Variants in FAM120C observed in about 807,000 individuals in gnomAD.
FAM120C encodes the protein family with sequence similarity 120 member C.
FAM120C carries 14 observed loss-of-function variants against 71.2 expected under a neutral mutation model. The ratio of observed to expected loss-of-function variants is 0.20; its 90% CI spans 0.13 to 0.31. FAM120C has a LOEUF of 0.31. Ranked by LOEUF, FAM120C falls within the 10% of genes least tolerant of loss-of-function variation. The pLI, the probability that FAM120C is intolerant of heterozygous loss-of-function variation, is 1.00. For synonymous variants in FAM120C, 354 were observed against 353.2 expected (o/e 1.00, Z -0.03); for missense variants, 500 against 879.0 (o/e 0.57, Z 5.45).
intron 10 of FAM120C, among the ~76,000 whole-genome samples, chrX:54,096,725 A>G (rs2066853768): frequency 8.9e-6 from 1 of 112,169 alleles, no homozygotes; most frequent in Non-Finnish European, 1.9e-5. Flanking sequence ...TAAAAATTAT[A>G]AATAATACTA....
chrX:54,163,255 A>C (rs1351194277), intron 1 of FAM120C, among the ~76,000 whole-genome samples: 16 of 112,514 alleles, frequency 1.4e-4, no homozygotes, highest in African/African-American at 4.8e-4. Context: ...TAATAGCCCA[A>C]AAGTGGAAAT....
chrX:54,127,973 C>T (rs1048567010), intron 9 of FAM120C, among the ~76,000 whole-genome samples: 1 of 110,649 alleles, frequency 9.0e-6, no homozygotes, highest in African/African-American at 3.3e-5. Flanking sequence ...AATGGTAGTT[C>T]GTTTTTTAGT....
intron 10 of FAM120C, among the ~76,000 whole-genome samples, chrX:54,094,665 G>C (rs1386550617): frequency 9.2e-6 from 1 of 108,386 alleles, no homozygotes; most frequent in Admixed American, 9.9e-5. Context: ...TTGGGAGGCC[G>C]AGGTGGGCAG....
chrX:54,139,532 G>A (rs899860129), intron 4 of FAM120C, among the ~76,000 whole-genome samples: 1 of 109,376 alleles, frequency 9.1e-6, no homozygotes. Context: ...TAGTACAGAC[G>A]GGGTTTCACT....
intron 10 of FAM120C, 25 bp downstream of exon 10, chrX:54,116,520 G>A: frequency 8.4e-7 from 1 of 1,194,762 alleles, no homozygotes; most frequent in Non-Finnish European, 1.1e-6. Flanking sequence ...GAAAGAACAG[G>A]CCACCTGCCT....
chrX:54,165,305 A>T (rs1434059262), intron 1 of FAM120C, among the ~76,000 whole-genome samples: 3 of 111,739 alleles, frequency 2.7e-5, no homozygotes, highest in African/African-American at 9.8e-5. Context: ...GCTTCTAAGG[A>T]CCTTAATGTA....
At chrX:54,142,799 G>C (rs1196556133) in intron 4 of FAM120C, among the ~76,000 whole-genome samples, 1 of 112,156 alleles carries the variant, frequency 8.9e-6, no homozygotes, top group East Asian at 2.8e-4. Context: ...CCTCAAGTGG[G>C]TCCCTGAACC....
In FAM120C at chrX:54,072,200, C is replaced by CACAG. The variant is rs1368411338; in HGVS notation, c.*832_*833insCTGT. The CACAG allele has an allele frequency of 2.8e-5, 3 of 105,313 alleles. No homozygotes were observed. Among genetic ancestry groups the CACAG allele is most frequent in the African/African-American group, 7.0e-5 (2 of 28,636 alleles). 8.7% of individuals were successfully genotyped at this position (105,313 alleles called of 1,213,427 possible). ...ACACACACACACACACACACACACA[C>CACAG]AGTCTCTTGAGTCCCTTTCGTACTC... On this transcript the variant is annotated 3_prime_UTR_variant, in exon 16 of 16. Transcript: ENST00000375180.
intron 1 of FAM120C, among the ~76,000 whole-genome samples, chrX:54,175,292 G>A (rs782170679): frequency 9.0e-6 from 1 of 111,275 alleles, no homozygotes; most frequent in African/African-American, 3.3e-5. Flanking sequence ...AATTAATTCC[G>A]TTGTTCATAG....
intron 10 of FAM120C, among the ~76,000 whole-genome samples, chrX:54,098,928 G>A (rs183837691): frequency 2.4e-4 from 26 of 110,319 alleles, no homozygotes; most frequent in African/African-American, 6.2e-4. Context: ...TGACATTTGC[G>A]TATGTTCTTT....
At chrX:54,141,000 GTGAC>G (rs1454474577) in intron 4 of FAM120C, among the ~76,000 whole-genome samples, 1 of 110,009 alleles carries the variant, frequency 9.1e-6, no homozygotes, top group Non-Finnish European at 1.9e-5. Context: ...CTCAAATTTA[GTGAC>G]TGACAAACAG....
intron 12 of FAM120C, 50 bp from the exon 13 acceptor site, chrX:54,085,966 C>T (rs782451806): frequency 1.8e-6 from 2 of 1,118,364 alleles, no homozygotes; most frequent in Non-Finnish European, 1.2e-6. Flanking sequence ...TCGAACTTGT[C>T]CCATGTTTTA....
intron 10 of FAM120C, among the ~76,000 whole-genome samples, chrX:54,113,356 A>G (rs782170700): frequency 2.7e-5 from 3 of 109,169 alleles, no homozygotes; most frequent in African/African-American, 1.0e-4. Flanking sequence ...GCTACTCAGG[A>G]GGCTGAGGCA....
intron 1 of FAM120C, among the ~76,000 whole-genome samples, chrX:54,179,610 A>G (rs1355930606): frequency 9.0e-6 from 1 of 111,713 alleles, no homozygotes; most frequent in Non-Finnish European, 1.9e-5. Context: ...AGAGAACTTC[A>G]CTCATTAGTA....
At chrX:54,140,063 G>A (rs1187720847) in intron 4 of FAM120C, among the ~76,000 whole-genome samples, 2 of 110,460 alleles carry the variant, frequency 1.8e-5, no homozygotes, top group Non-Finnish European at 3.8e-5. Context: ...GGAGGCCGAG[G>A]CGGGCGGATC....
intron 4 of FAM120C, among the ~76,000 whole-genome samples, chrX:54,137,459 T>C (rs2067100537): frequency 1.8e-5 from 2 of 111,528 alleles, no homozygotes; most frequent in Non-Finnish European, 3.8e-5. Flanking sequence ...ATGTACAATT[T>C]TGTATCCTGC....
intron 4 of FAM120C, among the ~76,000 whole-genome samples, chrX:54,137,633 T>G (rs2067101546): frequency 9.0e-6 from 1 of 111,726 alleles, no homozygotes; most frequent in Non-Finnish European, 1.9e-5. Context: ...TATATAAATT[T>G]TTTTCTGGAT....
At chrX:54,129,768 G>A (rs1471305374) in intron 9 of FAM120C, among the ~76,000 whole-genome samples, 1 of 112,349 alleles carries the variant, frequency 8.9e-6, no homozygotes, top group Non-Finnish European at 1.9e-5. Context: ...CTGCAATCCC[G>A]GCTCCTCGGG....
chrX:54,126,757 T>C (rs781970700), intron 9 of FAM120C, among the ~76,000 whole-genome samples: 1 of 113,529 alleles, frequency 8.8e-6, no homozygotes, highest in Non-Finnish European at 1.9e-5. Flanking sequence ...TTTTCAAATA[T>C]TGAACAAGTC....
Sources: gnomAD v4.1 joint callset for allele counts (sites outside exome capture counted in the v4.1 genomes callset) on GRCh38, gnomAD v4.1.1 for gene constraint, MANE v1.5 for transcripts, NCBI Gene and HGNC (gene_info 2026-07-23, HGNC 2026-07-21) for gene names.